Variants in ZNF423 observed in about 807,000 individuals in gnomAD.
ZNF423 encodes the protein zinc finger protein 423.
Under a neutral mutation model 95.8 loss-of-function variants are expected in ZNF423, and 12 were observed. That is an observed-to-expected ratio of 0.13 (90% CI 0.08 to 0.20). The LOEUF (loss-of-function observed/expected upper bound fraction) is 0.20, where lower values mean the gene tolerates loss of function less well. Among genes scored for constraint, ZNF423 ranks in the 10% least tolerant of loss-of-function variants. The probability of loss-of-function intolerance (pLI) is 1.00; values close to 1 mark genes in which losing one functional copy is unlikely to be tolerated. For synonymous variants in ZNF423, 749 were observed against 711.9 expected (o/e 1.05, Z -0.83); for missense variants, 1,316 against 1,737.1 (o/e 0.76, Z 4.31).
chr16:49,753,429 C>T (rs896531459), intron 2 of ZNF423, among the ~76,000 whole-genome samples: 1 of 139,618 alleles, frequency 7.2e-6, no homozygotes, highest in Non-Finnish European at 1.5e-5. Context: ...TAGCAAGACC[C>T]TGTCTACAGA....
chr16:49,738,307 A>G (rs2033336117), intron 2 of ZNF423, among the ~76,000 whole-genome samples: 1 of 152,170 alleles, frequency 6.6e-6, no homozygotes, highest in South Asian at 2.1e-4. Context: ...TGAATGCCCA[A>G]GAGGATACGC....
At chr16:49,740,191 T>A (rs2143482797) in intron 2 of ZNF423, among the ~76,000 whole-genome samples, 1 of 152,162 alleles carries the variant, frequency 6.6e-6, no homozygotes, top group East Asian at 1.9e-4. Context: ...TTAAAAAAAA[T>A]ATCCTCCACC....
intron 2 of ZNF423, among the ~76,000 whole-genome samples, chr16:49,742,772 G>C (rs1267797861): frequency 6.6e-6 from 1 of 152,102 alleles, no homozygotes; most frequent in African/African-American, 2.4e-5. Context: ...AGGATGCTGG[G>C]GCGCAAATCA....
chr16:49,785,931 C>A (rs1199019269), intron 2 of ZNF423, among the ~76,000 whole-genome samples: 1 of 152,194 alleles, frequency 6.6e-6, no homozygotes, highest in Non-Finnish European at 1.5e-5. Flanking sequence ...CACATGAAAC[C>A]CTGTGTGTGT....
chr16:49,498,831 G>T (rs1967266658), intron 7 of ZNF423, among the ~76,000 whole-genome samples: 1 of 152,134 alleles, frequency 6.6e-6, no homozygotes, highest in Non-Finnish European at 1.5e-5. Flanking sequence ...AAGGGTCTAA[G>T]ACGAACAGAT....
intron 2 of ZNF423, among the ~76,000 whole-genome samples, chr16:49,774,044 G>A (rs1026914019): frequency 2.0e-5 from 3 of 152,194 alleles, no homozygotes; most frequent in South Asian, 2.1e-4. Context: ...CTCCCAAAGC[G>A]AAGCCACACT....
At chr16:49,619,476 A>T (rs925923282) in intron 5 of ZNF423, among the ~76,000 whole-genome samples, 1 of 152,212 alleles carries the variant, frequency 6.6e-6, no homozygotes, top group African/African-American at 2.4e-5. Context: ...TCCTCGAATG[A>T]ACCAACGGGA....
rs116625927 is a variant in ZNF423, at chr16:49,744,491, G to A, written c.101-13520C>T. ...GGGTGTCCCCAGGCCCAGCACACAC[G>A]AGGCCAGGCGGGGTGTCCCCACGCT... On this transcript the variant is annotated intron_variant, in intron 2 of 7. Transcript: ENST00000563137. Among the ~76,000 whole-genome samples the A allele has an allele frequency of 7.7e-3, 1,150 of 150,114 alleles. 20 individuals carry two copies. The highest frequency in any genetic ancestry group is 0.027 in the African/African-American group (1,093 of 40,716).
At chr16:49,709,153 A>G (rs937102759) in intron 3 of ZNF423, among the ~76,000 whole-genome samples, 1 of 109,032 alleles carries the variant, frequency 9.2e-6, no homozygotes, top group Non-Finnish European at 1.9e-5. Flanking sequence ...AAAAACTCAA[A>G]CGTTCAGCAG....
At chr16:49,524,458 C>T (rs1474967412) in intron 6 of ZNF423, among the ~76,000 whole-genome samples, 1 of 152,276 alleles carries the variant, frequency 6.6e-6, no homozygotes, top group Non-Finnish European at 1.5e-5. Context: ...TGGGTGGGGG[C>T]TCCTGCGATG....
intron 1 of ZNF423, chr16:49,822,823 G>T: frequency 2.9e-6 from 3 of 1,026,506 alleles, no homozygotes; most frequent in Non-Finnish European, 2.8e-6. Flanking sequence ...ATACCCATTT[G>T]ACAGATGAGC....
chr16:49,598,323 A>T (rs973236103), intron 5 of ZNF423, among the ~76,000 whole-genome samples: 14 of 152,234 alleles, frequency 9.2e-5, no homozygotes, highest in Non-Finnish European at 2.1e-4. Flanking sequence ...ACTTTATAAA[A>T]CTTTGAGGGA....
At chr16:49,686,811 C>T (rs1433490077) in intron 3 of ZNF423, among the ~76,000 whole-genome samples, 1 of 152,182 alleles carries the variant, frequency 6.6e-6, no homozygotes, top group African/African-American at 2.4e-5. Context: ...AGCATGATCT[C>T]GACTCACCAG....
chr16:49,519,879 C>T (rs1300761543), intron 7 of ZNF423, among the ~76,000 whole-genome samples: 1 of 152,120 alleles, frequency 6.6e-6, no homozygotes, highest in Non-Finnish European at 1.5e-5. Context: ...CTGCACTCTG[C>T]CTTCTGTCAT....
At chr16:49,783,945 G>A (rs2143792166) in intron 2 of ZNF423, among the ~76,000 whole-genome samples, 1 of 149,248 alleles carries the variant, frequency 6.7e-6, no homozygotes, top group Non-Finnish European at 1.5e-5. Flanking sequence ...ACTCCAGCCT[G>A]GCAACAGAGC....
chr16:49,514,530 GC>G (rs1215682621), intron 7 of ZNF423, among the ~76,000 whole-genome samples: 1 of 152,124 alleles, frequency 6.6e-6, no homozygotes, highest in African/African-American at 2.4e-5. Flanking sequence ...CTGAGATCCC[GC>G]CCCTGTCTCA....
chr16:49,581,123 G>C (rs1348759079), intron 5 of ZNF423, among the ~76,000 whole-genome samples: 2 of 152,018 alleles, frequency 1.3e-5, no homozygotes, highest in East Asian at 1.9e-4. Context: ...AATAAACAAG[G>C]GGGGAAGAGA....
At chr16:49,566,581 G>C (rs1380140978) in intron 5 of ZNF423, among the ~76,000 whole-genome samples, 1 of 152,234 alleles carries the variant, frequency 6.6e-6, no homozygotes, top group East Asian at 1.9e-4. Context: ...AAAAAATCCA[G>C]TCTTCCCTCA....
intron 7 of ZNF423, among the ~76,000 whole-genome samples, chr16:49,511,045 C>A (rs1163349613): frequency 6.6e-6 from 1 of 152,166 alleles, no homozygotes; most frequent in Non-Finnish European, 1.5e-5. Context: ...GAGGGGAGGC[C>A]CCCCAGTCCC....
Sources: gnomAD v4.1 joint callset for allele counts (sites outside exome capture counted in the v4.1 genomes callset) on GRCh38, gnomAD v4.1.1 for gene constraint, MANE v1.5 for transcripts, NCBI Gene and HGNC (gene_info 2026-07-23, HGNC 2026-07-21) for gene names.